Variants in UNC13C observed in about 807,000 individuals in gnomAD.
The protein encoded by UNC13C is unc-13 homolog C, also known as protein unc-13 homolog C.
Under a neutral mutation model 245.4 loss-of-function variants are expected in UNC13C, and 174 were observed. That is an observed-to-expected ratio of 0.71 (90% CI 0.63 to 0.80). The LOEUF is 0.80. Ranked by LOEUF, UNC13C falls within the 30% of genes least tolerant of loss-of-function variation. UNC13C has a pLI of 0.00. For synonymous variants in UNC13C, 992 were observed against 895.1 expected, an observed-to-expected ratio of 1.11 and a Z score of -1.93; for missense variants, 2,829 against 2,602.9, an observed-to-expected ratio of 1.09 and a Z score of -1.89.
At chr15:54,008,762 G>C (rs1296393723) in intron 1 of UNC13C, among the ~76,000 whole-genome samples, 1 of 152,140 alleles carries the variant, frequency 6.6e-6, no homozygotes, top group Non-Finnish European at 1.5e-5. Context: ...GTAAGGGTTT[G>C]TGTCAGTTAC....
At chr15:54,356,701 C>T (rs535590961) in intron 17 of UNC13C, among the ~76,000 whole-genome samples, 20 of 152,184 alleles carry the variant, frequency 1.3e-4, no homozygotes, top group African/African-American at 2.4e-4. Flanking sequence ...ACTATTAATC[C>T]TATCACATTG....
At position 54,500,981 on chromosome 15, in the gene UNC13C, A is replaced by G. The variant is rs767167977; in HGVS notation, c.5301+3A>G. 1.2e-6 allele frequency: 2 copies of G among 1,611,340 alleles called. No homozygotes were observed. Among genetic ancestry groups the G allele is most frequent in the Non-Finnish European group, 1.7e-6 (2 of 1,178,448 alleles). On this transcript the variant is annotated splice_donor_region_variant and intron_variant, in intron 22 of 32. Transcript: ENST00000260323. Reference sequence around the variant, plus strand: ...ACTTAATGAGAAGATTTGCAAAGGTAGGTTAAATAAAATGAGTCTTCTTTT... The same window carrying G: ...ACTTAATGAGAAGATTTGCAAAGGTGGGTTAAATAAAATGAGTCTTCTTTT...
At chr15:53,918,282 G>C in the UNC13C span, among the ~76,000 whole-genome samples, 1 of 122,108 alleles carries the variant, frequency 8.2e-6, no homozygotes, top group Admixed American at 1.0e-4. Context: ...TGCAGCTCCA[G>C]GGAGATGAGC....
At chr15:54,587,657 C>T (rs953024772) in intron 30 of UNC13C, among the ~76,000 whole-genome samples, 4 of 152,086 alleles carry the variant, frequency 2.6e-5, no homozygotes, top group African/African-American at 9.7e-5. Context: ...CACTGCTCCT[C>T]CCCTCTGGCA....
In UNC13C at chr15:54,014,194, G is replaced by T; in HGVS notation, c.1291G>T (p.Ala431Ser). 1 of 1,613,874 alleles carries T rather than the reference G, an allele frequency of 6.2e-7. No homozygotes were observed. Among genetic ancestry groups the T allele is most frequent in the Non-Finnish European group, 8.5e-7 (1 of 1,179,838 alleles). Reference protein sequence around the residue: ...IPSSQTYESMAIKLSTPEPKI... With the variant: ...IPSSQTYESMSIKLSTPEPKI... Reference sequence around the variant, plus strand: ...ATCCTCCCAGACATATGAGAGCATGGCTATAAAGTTGTCTACTCCAGAGCC... The same window carrying T: ...ATCCTCCCAGACATATGAGAGCATGTCTATAAAGTTGTCTACTCCAGAGCC... Residue 431 changes from alanine to serine, a missense_variant, in exon 2 of 33, where the codon GCT becomes TCT. Physicochemically the swap from Ala to Ser is moderately conservative, Grantham distance 99. Coordinates refer to ENST00000260323, the MANE Select transcript of UNC13C (RefSeq NM_001080534.3).
At chr15:54,185,645 C>A (rs1467415419) in intron 4 of UNC13C, among the ~76,000 whole-genome samples, 1 of 146,456 alleles carries the variant, frequency 6.8e-6, no homozygotes, top group African/African-American at 2.7e-5. Context: ...TGTTTTTGTA[C>A]CAGTACCATG....
chr15:54,341,297 C>T (rs2038722614), intron 17 of UNC13C, among the ~76,000 whole-genome samples: 1 of 152,096 alleles, frequency 6.6e-6, no homozygotes, highest in Non-Finnish European at 1.5e-5. Flanking sequence ...GAAATAATGT[C>T]CTTTGCAGCA....
At chr15:54,495,815 A>G (rs1220803567) in intron 20 of UNC13C, among the ~76,000 whole-genome samples, 1 of 151,902 alleles carries the variant, frequency 6.6e-6, no homozygotes, top group Non-Finnish European at 1.5e-5. Flanking sequence ...GAAGGTAATG[A>G]GTGATTTAGA....
chr15:54,532,800 C>T (rs1374169593), intron 25 of UNC13C, 117 bp from the exon 26 acceptor site: 4 of 680,986 alleles, frequency 5.9e-6, no homozygotes, highest in Non-Finnish European at 4.8e-6. Flanking sequence ...AATTCGAAAA[C>T]TCATGAGCAG....
At chr15:54,102,261 C>T (rs1900202870) in intron 2 of UNC13C, among the ~76,000 whole-genome samples, 1 of 151,954 alleles carries the variant, frequency 6.6e-6, no homozygotes, top group Non-Finnish European at 1.5e-5. Flanking sequence ...CTTCTTAATA[C>T]AGTGGACTGA....
chr15:54,450,592 G>T lies in UNC13C; in HGVS notation c.4933+35525G>T, dbSNP rs1891117089. On this transcript the variant is annotated intron_variant, in intron 19 of 32. Transcript: ENST00000260323. ...AGCCAGACGTGGGATATAATCTCCT[G>T]GCATGCCGTTTGTTAAGACGATTGG... Among the ~76,000 whole-genome samples the T allele has an allele frequency of 1.3e-5, 2 of 152,218 alleles. 1 individual carries two copies. Among genetic ancestry groups the T allele is most frequent in the South Asian group, 4.1e-4 (2 of 4,834 alleles).
chr15:53,861,709 A>G, the UNC13C span, among the ~76,000 whole-genome samples: 1 of 152,230 alleles, frequency 6.6e-6, no homozygotes, highest in South Asian at 2.1e-4. Context: ...AAGCAGATCC[A>G]GCACATTGCT....
chr15:54,441,925 T>G (rs1437699368), intron 19 of UNC13C, among the ~76,000 whole-genome samples: 1 of 152,042 alleles, frequency 6.6e-6, no homozygotes, highest in Non-Finnish European at 1.5e-5. Flanking sequence ...TATTCTTAGG[T>G]ATTTTTTTGT....
In UNC13C at chr15:54,300,263, A is replaced by G; in HGVS notation, c.4158A>G (p.Pro1386=). ...EVKSNGGVKI[P]EVKGDEAWKV... ...AATCTAATGGTGGAGTGAAAATCCC[A>G]GAAGTCAAAGGGGATGAAGCCTGGA... is the stretch of plus-strand genomic sequence containing the variant. Residue 1386 remains proline (P), a synonymous_variant, in exon 13 of 33, where the codon CCA becomes CCG. Transcript: ENST00000260323. 4 of 1,598,544 alleles carry G rather than the reference A, an allele frequency of 2.5e-6. No individual in the cohort carries two copies. Among genetic ancestry groups the G allele is most frequent in the Non-Finnish European group, 3.4e-6 (4 of 1,171,788 alleles).
rs560493176 is a variant in UNC13C, at chr15:54,623,984, A to G, written c.6359+30A>G. ...GTCATAAACCCACCTTACTTATTCT[A>G]CCAGGCAATAGTTACTGTACAGCTG... On this transcript the variant is annotated intron_variant, in intron 32 of 32. Coordinates refer to ENST00000260323, the MANE Select transcript of UNC13C (RefSeq NM_001080534.3). The G allele has an allele frequency of 2.5e-6, 4 of 1,611,750 alleles. No individual in the cohort carries two copies. The South Asian group carries it at 3.3e-5, about 13-fold the overall frequency.
the UNC13C span, among the ~76,000 whole-genome samples, chr15:53,964,028 T>A: frequency 6.6e-6 from 1 of 152,152 alleles, no homozygotes. Context: ...AACAGGCCCA[T>A]CTGTCTGGAA....
intron 2 of UNC13C, among the ~76,000 whole-genome samples, chr15:54,109,721 A>C (rs891622360): frequency 6.6e-6 from 1 of 152,092 alleles, no homozygotes. Flanking sequence ...TAAACCCTAT[A>C]CACATGGTAA....
At chr15:54,371,651 A>C (rs372031717) in intron 17 of UNC13C, among the ~76,000 whole-genome samples, 65 of 152,132 alleles carry the variant, frequency 4.3e-4, no homozygotes, top group African/African-American at 1.3e-3. Flanking sequence ...TTTGATATTC[A>C]GGATTTGTTT....
At chr15:54,580,995 G>A (rs1324118679) in intron 30 of UNC13C, among the ~76,000 whole-genome samples, 1 of 152,174 alleles carries the variant, frequency 6.6e-6, no homozygotes, top group African/African-American at 2.4e-5. Flanking sequence ...CTAGGTATGT[G>A]ACACCAGGGA....
Sources: allele counts gnomAD v4.1 joint callset (sites outside exome capture counted in the v4.1 genomes callset), GRCh38; gene constraint gnomAD v4.1.1; transcripts MANE v1.5; gene names NCBI Gene and HGNC (gene_info 2026-07-23, HGNC 2026-07-21).